The following RTTN variants were observed in gnomAD, a reference collection of about 807,000 sequenced individuals.
The protein encoded by RTTN is rotatin.
RTTN carries 182 observed loss-of-function variants against 269.2 expected under a neutral mutation model. The ratio of observed to expected loss-of-function variants is 0.68; its 90% CI spans 0.60 to 0.76. The LOEUF is 0.76. RTTN is among the 30% of genes least tolerant of loss of function. The pLI, the probability that RTTN is intolerant of heterozygous loss-of-function variation, is 0.00. For missense variants in RTTN, 2,545 were observed against 2,608.6 expected, an observed-to-expected ratio of 0.98 and a Z score of 0.53; for synonymous variants, 1,006 against 963.5, an observed-to-expected ratio of 1.04 and a Z score of -0.82.
At chr18:70,180,723 C>T (rs996788841) in intron 10 of RTTN, among the ~76,000 whole-genome samples, 2 of 152,078 alleles carry the variant, frequency 1.3e-5, no homozygotes, top group African/African-American at 4.8e-5. Flanking sequence ...TAAACTGTGC[C>T]TCAGTTATGG....
intron 35 of RTTN, among the ~76,000 whole-genome samples, chr18:70,062,974 T>C: frequency 6.6e-6 from 1 of 152,194 alleles, no homozygotes; most frequent in East Asian, 1.9e-4. Context: ...TCATTATCTA[T>C]ATATTGTTAT....
intron 40 of RTTN, among the ~76,000 whole-genome samples, chr18:70,037,529 G>T (rs2057212023): frequency 6.6e-6 from 1 of 152,186 alleles, no homozygotes; most frequent in Middle Eastern, 3.2e-3. Flanking sequence ...GGAACCCACT[G>T]CCTTGAAGGG....
intron 14 of RTTN, among the ~76,000 whole-genome samples, chr18:70,155,516 C>T (rs2060649621): frequency 6.6e-6 from 1 of 152,196 alleles, no homozygotes; most frequent in Non-Finnish European, 1.5e-5. Context: ...AGGGAAGTGG[C>T]AAGTGCAACA....
At chr18:70,165,250 C>T (rs1038486126) in intron 14 of RTTN, among the ~76,000 whole-genome samples, 1 of 151,552 alleles carries the variant, frequency 6.6e-6, no homozygotes, top group African/African-American at 2.4e-5. Context: ...TCAAATCCTG[C>T]TATATATACT....
intron 32 of RTTN, among the ~76,000 whole-genome samples, chr18:70,077,852 C>T (rs2058467786): frequency 6.6e-6 from 1 of 151,048 alleles, no homozygotes; most frequent in Non-Finnish European, 1.5e-5. Flanking sequence ...AGCTTATGAA[C>T]AAAAAATTTA....
rs1277389212 is a variant in RTTN at position 70,204,211 on chromosome 18, GATAA to G, written c.268_271del (p.Lys92PhefsTer49). The G allele has an allele frequency of 2.5e-6, 4 of 1,614,120 alleles. No homozygotes were observed. The highest frequency in any genetic ancestry group is 3.4e-6 in the Non-Finnish European group (4 of 1,180,002). The stretch of plus-strand genomic sequence containing the variant: ...TGGCTCCACATTAGACCGAAGCTTA[GATAA>G]GAACTCTACTGCACCAACGTCAACC... On this transcript the variant is annotated frameshift_variant, in exon 3 of 49. Transcript: ENST00000640769. LOFTEE classifies it high-confidence loss of function.
At chr18:70,124,323 C>T (rs1421200566) in intron 25 of RTTN, among the ~76,000 whole-genome samples, 1 of 151,996 alleles carries the variant, frequency 6.6e-6, no homozygotes, top group Non-Finnish European at 1.5e-5. Flanking sequence ...CAACTGTATA[C>T]TATGACTTAT....
Position 70,006,018 on chromosome 18 carries a change from C to T in RTTN, c.6525+363G>A, listed in dbSNP as rs551515493. 6.4e-4 allele frequency: 114 copies of T among 178,448 alleles called. 1 individual carries two copies. The highest frequency in any genetic ancestry group is 2.7e-3 in the African/African-American group (112 of 42,192). The allele number at this position is 178,448 out of a possible 1,614,324, so 11.1% of individuals were successfully genotyped here. A position where few individuals can be genotyped will look rare whatever the true frequency, so the allele number is the denominator to read the frequency against. On this transcript the variant is annotated intron_variant, in intron 47 of 48. Transcript: ENST00000640769. ...CTGAGCTAGATAAAGGGGAATTGTA[C>T]AATTGGATAAAACTTTTGTTACTCA...
chr18:70,109,576 C>T lies in RTTN; in HGVS notation c.3825G>A (p.Ala1275=), dbSNP rs779429531. 2.0e-5 allele frequency: 32 copies of T among 1,613,804 alleles called. No individual in the cohort carries two copies. The highest frequency in any genetic ancestry group is 9.4e-5 in the African/African-American group (7 of 74,808). ...RTLRGMANLT[A]FPGWSSHSPL... is the part of the protein sequence containing the mutation. ...GAGAGTGTGAGCTCCATCCCGGAAACGCAGTGAGGTTAGCCATCCCTCGTA... is the reference window on the plus strand; with the variant it reads ...GAGAGTGTGAGCTCCATCCCGGAAATGCAGTGAGGTTAGCCATCCCTCGTA... Residue 1275 remains alanine (A), a synonymous_variant, in exon 28 of 49, where the codon GCG becomes GCA. Transcript: ENST00000640769.
At chr18:70,042,148 A>C (rs1481117307) in intron 40 of RTTN, among the ~76,000 whole-genome samples, 1 of 152,084 alleles carries the variant, frequency 6.6e-6, no homozygotes, top group Non-Finnish European at 1.5e-5. Context: ...AGGAGTTCCA[A>C]ATGTACAGAG....
chr18:70,023,275 G>A (rs941653978), intron 44 of RTTN, among the ~76,000 whole-genome samples: 26 of 152,026 alleles, frequency 1.7e-4, no homozygotes, highest in Non-Finnish European at 1.8e-4. Flanking sequence ...CACAGAAGCC[G>A]TGGCATAATG....
intron 10 of RTTN, among the ~76,000 whole-genome samples, chr18:70,178,060 A>G (rs763645066): frequency 6.6e-6 from 1 of 152,216 alleles, no homozygotes; most frequent in Non-Finnish European, 1.5e-5. Flanking sequence ...ATAAATGCAG[A>G]AACAAAATGT....
intron 36 of RTTN, among the ~76,000 whole-genome samples, chr18:70,058,999 G>C (rs2057900748): frequency 6.6e-6 from 1 of 152,110 alleles, no homozygotes; most frequent in African/African-American, 2.4e-5. Context: ...CATTTCAGAT[G>C]GTGTATGTTC....
chr18:70,051,689 G>C (rs2057674605), intron 38 of RTTN, 141 bp from the exon 39 acceptor site: 6 of 542,912 alleles, frequency 1.1e-5, no homozygotes, highest in Non-Finnish European at 1.8e-5. Context: ...ATCTAATTCA[G>C]CATTATCCAA....
chr18:70,176,720 G>A lies in RTTN; in HGVS notation c.1431C>T (p.Ser477=), dbSNP rs1323956687. The change falls in exon 11 of 49, where the codon TCC becomes TCT. Residue 477 remains serine, a synonymous_variant. Transcript: ENST00000640769. ...VHHRMAFISI[S]LFAVRLLQTL... ...TTTGTAGCAGTCGAACTGCAAACAGGGAAATGCTGATAAAGGCCATTCTGT... is the reference window on the plus strand; with the variant it reads ...TTTGTAGCAGTCGAACTGCAAACAGAGAAATGCTGATAAAGGCCATTCTGT... 1.2e-6 allele frequency: 2 copies of A among 1,613,858 alleles called. No homozygotes were observed. Among genetic ancestry groups the A allele is most frequent in the African/African-American group, 1.3e-5 (1 of 75,052 alleles).
At chr18:70,198,771 GACT>G (rs1457217664) in intron 5 of RTTN, among the ~76,000 whole-genome samples, 1 of 152,130 alleles carries the variant, frequency 6.6e-6, no homozygotes, top group Non-Finnish European at 1.5e-5. Context: ...CTGCCAAAAA[GACT>G]ACATTTATGT....
At chr18:70,100,889 G>C (rs571316015) in intron 28 of RTTN, among the ~76,000 whole-genome samples, 26 of 152,266 alleles carry the variant, frequency 1.7e-4, no homozygotes, top group Middle Eastern at 3.4e-3. Flanking sequence ...TTATTGATCT[G>C]TGCATGTTGA....
chr18:70,137,714 TG>T, intron 21 of RTTN, among the ~76,000 whole-genome samples: 1 of 152,174 alleles, frequency 6.6e-6, no homozygotes, highest in Non-Finnish European at 1.5e-5. Context: ...CCATCTTAGA[TG>T]CCACATTCCC....
chr18:70,012,376 C>A (rs1476793200), intron 46 of RTTN, among the ~76,000 whole-genome samples: 2 of 145,298 alleles, frequency 1.4e-5, no homozygotes, highest in Non-Finnish European at 3.0e-5. Context: ...AGCGTCTGCT[C>A]ACTGGTGTTA....
Sources: allele counts gnomAD v4.1 joint callset (sites outside exome capture counted in the v4.1 genomes callset), GRCh38; gene constraint gnomAD v4.1.1; transcripts MANE v1.5; gene names NCBI Gene and HGNC (gene_info 2026-07-23, HGNC 2026-07-21).